Variants in WDR17 observed in about 807,000 individuals in gnomAD.
WDR17 encodes WD repeat-containing protein 17.
In WDR17, 143 loss-of-function variants were observed where a neutral mutation model predicts 161.7. The ratio of observed to expected loss-of-function variants is 0.88; its 90% CI spans 0.77 to 1.02. The LOEUF (loss-of-function observed/expected upper bound fraction) is 1.02, where lower values mean the gene tolerates loss of function less well. Among genes scored for constraint, WDR17 ranks in the 50% least tolerant of loss-of-function variants. The probability of loss-of-function intolerance (pLI) is 0.00; values close to 1 mark genes in which losing one functional copy is unlikely to be tolerated. For missense variants in WDR17, 1,469 were observed against 1,520.9 expected, an observed-to-expected ratio of 0.97 and a Z score of 0.57; for synonymous variants, 517 against 515.6, an observed-to-expected ratio of 1.00 and a Z score of -0.04.
chr4:176,137,695 T>C lies in WDR17; in HGVS notation c.1359+84T>C, dbSNP rs1471204842. On this transcript the variant is annotated intron_variant, in intron 9 of 28. Transcript: ENST00000508596. ...TTGTAAATATTTTTATTTCTTAATA[T>C]AATATCACTTAATAATCAGGTGGTA... 13 of 743,356 alleles carry C rather than the reference T, an allele frequency of 1.7e-5. No homozygotes were observed. In the Admixed American group the frequency reaches 4.9e-4, roughly 28 times the overall value. 46.0% of individuals were successfully genotyped at this position (743,356 alleles called of 1,614,324 possible).
chr4:176,143,215 C>G (rs1426536175), intron 11 of WDR17, among the ~76,000 whole-genome samples: 1 of 152,218 alleles, frequency 6.6e-6, no homozygotes, highest in Non-Finnish European at 1.5e-5. Flanking sequence ...AATAAGCTCA[C>G]TATCAGCTCA....
Position 176,131,285 on chromosome 4 carries a change from A to G in WDR17, c.914-269A>G, listed in dbSNP as rs373093022. On this transcript the variant is annotated intron_variant, in intron 6 of 28. Coordinates refer to ENST00000508596, the MANE Select transcript of WDR17 (RefSeq NM_181265.4). The stretch of plus-strand genomic sequence containing the variant: ...ATGCTGAGCTTTAATTTATAGGGTG[A>G]TAAGAAACCACATATTCACAACAGA... Among the ~76,000 whole-genome samples the G allele has an allele frequency of 2.3e-4, 35 of 152,318 alleles. No homozygotes were observed. The East Asian group carries it at 2.9e-3, about 13-fold the overall frequency.
Position 176,168,766 on chromosome 4 carries a change from A to T in WDR17, c.3085A>T (p.Asn1029Tyr). 6.2e-7 allele frequency: 1 copy of T among 1,611,662 alleles called. No individual in the cohort carries two copies. The highest frequency in any genetic ancestry group is 2.2e-5 in the East Asian group (1 of 44,696). Residue 1029 changes from asparagine to tyrosine, a missense_variant, in exon 23 of 29, where the codon AAT becomes TAT. Asn to Tyr is a moderately radical substitution (Grantham distance 143). Coordinates refer to ENST00000508596, the MANE Select transcript of WDR17 (RefSeq NM_181265.4). Reference protein sequence around the residue: ...AFYPGCTEEINDLHDKCKLPT... With the variant: ...AFYPGCTEEIYDLHDKCKLPT... ...CTACCCAGGATGTACTGAAGAGATA[A>T]ATGACCTTCATGATAAGGTATGCTG... is the stretch of plus-strand genomic sequence containing the variant.
rs148123624 is a variant in WDR17 at position 176,179,570 on chromosome 4, T to C, written c.3843T>C (p.Asn1281=). 46 of 1,556,978 alleles carry C rather than the reference T, an allele frequency of 3.0e-5. No individual in the cohort carries two copies. Among genetic ancestry groups the C allele is most frequent in the Non-Finnish European group, 3.9e-5 (45 of 1,152,498 alleles). The change falls in exon 29 of 29, where the codon AAT becomes AAC. Residue 1281 remains asparagine, a synonymous_variant. Coordinates refer to ENST00000508596, the MANE Select transcript of WDR17 (RefSeq NM_181265.4). ...FSPLGTGIRL[N]PF is the part of the protein sequence containing the mutation. ...CTTTAGGGACTGGAATACGACTCAATCCATTCTGATAGAAGATTTTTGTCC... is the reference window on the plus strand; with the variant it reads ...CTTTAGGGACTGGAATACGACTCAACCCATTCTGATAGAAGATTTTTGTCC...
intron 1 of WDR17, among the ~76,000 whole-genome samples, chr4:176,067,830 G>A (rs1732718479): frequency 6.6e-6 from 1 of 152,170 alleles, no homozygotes; most frequent in African/African-American, 2.4e-5. Flanking sequence ...ACTTGGAGAA[G>A]TTTAAGAACA....
At chr4:176,134,846 T>A (rs1299746437) in intron 7 of WDR17, among the ~76,000 whole-genome samples, 3 of 151,624 alleles carry the variant, frequency 2.0e-5, no homozygotes, top group Non-Finnish European at 4.4e-5. Context: ...AAGTGAGACT[T>A]CTGAACATCT....
intron 1 of WDR17, among the ~76,000 whole-genome samples, chr4:176,094,748 A>G (rs537138221): frequency 2.6e-5 from 4 of 152,300 alleles, no homozygotes; most frequent in Admixed American, 2.0e-4. Context: ...AGACTTGGCA[A>G]TTAAATGTGG....
chr4:176,082,896 A>G (rs754279111), intron 1 of WDR17, among the ~76,000 whole-genome samples: 3 of 148,172 alleles, frequency 2.0e-5, no homozygotes, highest in Non-Finnish European at 4.5e-5. Flanking sequence ...AAAAATATAC[A>G]TACTTTTGAA....
In WDR17 at chr4:176,153,990, G is replaced by T. The variant is rs78196215; in HGVS notation, c.2460+2023G>T. 1.4e-4 allele frequency among the ~76,000 whole-genome samples: 21 copies of T among 152,188 alleles called. No individual in the cohort carries two copies. In the South Asian group the frequency reaches 4.4e-3, roughly 32 times the overall value. ...GATCTATCAAAAGTCAAGGAGAAAAGGAATTAATAAATTTTGGTACAACAG... is the reference window on the plus strand; with the variant it reads ...GATCTATCAAAAGTCAAGGAGAAAATGAATTAATAAATTTTGGTACAACAG... On this transcript the variant is annotated intron_variant, in intron 17 of 28. Transcript: ENST00000508596.
At chr4:176,077,923 A>C (rs1377416520) in intron 1 of WDR17, among the ~76,000 whole-genome samples, 1 of 152,050 alleles carries the variant, frequency 6.6e-6, no homozygotes, top group East Asian at 1.9e-4. Flanking sequence ...GTGCCCATAA[A>C]AGTCCTAAAT....
chr4:176,124,223 A>G (rs1029392044), intron 4 of WDR17, among the ~76,000 whole-genome samples: 4 of 152,212 alleles, frequency 2.6e-5, no homozygotes, highest in Non-Finnish European at 5.9e-5. Flanking sequence ...CTCTAACTAG[A>G]TGCTTCACTG....
At chr4:176,119,312 A>G (rs1253163450) in intron 3 of WDR17, among the ~76,000 whole-genome samples, 2 of 152,198 alleles carry the variant, frequency 1.3e-5, no homozygotes, top group African/African-American at 4.8e-5. Flanking sequence ...ACAGAAATTT[A>G]GAGAAATAAA....
chr4:176,140,403 A>T (rs1745067906), intron 10 of WDR17, among the ~76,000 whole-genome samples: 1 of 152,080 alleles, frequency 6.6e-6, no homozygotes, highest in Admixed American at 6.5e-5. Flanking sequence ...TAAAGGGATA[A>T]AAAGCCTTTG....
intron 1 of WDR17, among the ~76,000 whole-genome samples, chr4:176,085,076 T>A (rs1341022382): frequency 6.6e-6 from 1 of 151,888 alleles, no homozygotes; most frequent in East Asian, 1.9e-4. Flanking sequence ...CCTTGGCTAT[T>A]CCTGGGCATT....
intron 22 of WDR17, 79 bp from the exon 23 acceptor site, chr4:176,168,593 T>A (rs779132399): frequency 1.5e-4 from 233 of 1,533,758 alleles, no homozygotes; most frequent in Non-Finnish European, 2.1e-4. Context: ...TTATATGAAT[T>A]GCCCTTCTTT....
chr4:176,120,745 T>C (rs1741448812), intron 4 of WDR17, among the ~76,000 whole-genome samples: 2 of 151,626 alleles, frequency 1.3e-5, no homozygotes, highest in Admixed American at 6.6e-5. Context: ...CTATCTAGTA[T>C]CTCTGTTGAT....
In WDR17 at chr4:176,146,098, G is replaced by C. The variant is rs927918359; in HGVS notation, c.1633G>C (p.Val545Leu). The C allele has an allele frequency of 1.2e-6, 2 of 1,613,900 alleles. No individual in the cohort carries two copies. The highest frequency in any genetic ancestry group is 2.7e-5 in the African/African-American group (2 of 74,936). The change falls in exon 12 of 29, where the codon GTG becomes CTG. Residue 545 changes from valine to leucine, a missense_variant. Transcript: ENST00000508596. ...LKVFSGHTAK[V>L]FHVKWSPLRE... is the part of the protein sequence containing the mutation. The stretch of plus-strand genomic sequence containing the variant: ...AGTATTTAGTGGGCATACAGCAAAA[G>C]TGTTTCATGTTAAATGGTCTCCTCT...
At chr4:176,157,190 A>G (rs973688349) in intron 18 of WDR17, among the ~76,000 whole-genome samples, 2 of 152,182 alleles carry the variant, frequency 1.3e-5, no homozygotes, top group African/African-American at 4.8e-5. Context: ...TTTAACAAAT[A>G]TTTATTAATG....
intron 1 of WDR17, among the ~76,000 whole-genome samples, chr4:176,074,612 C>T (rs546158732): frequency 5.9e-5 from 9 of 151,806 alleles, no homozygotes; most frequent in Non-Finnish European, 1.2e-4. Flanking sequence ...GCATGCACCA[C>T]ACCTGGCTAA....
Sources: allele counts gnomAD v4.1 joint callset (sites outside exome capture counted in the v4.1 genomes callset), GRCh38; gene constraint gnomAD v4.1.1; transcripts MANE v1.5; gene names NCBI Gene and HGNC (gene_info 2026-07-23, HGNC 2026-07-21).